The following ERC2 variants were observed in gnomAD, a reference collection of about 807,000 sequenced individuals.
ERC2 encodes ERC protein 2.
ERC2 carries 42 observed loss-of-function variants against 114.8 expected under a neutral mutation model. The ratio of observed to expected loss-of-function variants is 0.37; its 90% CI spans 0.29 to 0.47. The LOEUF is 0.47. ERC2 is among the 20% of genes least tolerant of loss of function. ERC2 has a pLI of 0.99. For synonymous variants in ERC2, 454 were observed against 425.5 expected (o/e 1.07, Z -0.82); for missense variants, 939 against 1,150.7 (o/e 0.82, Z 2.66).
intron 17 of ERC2, among the ~76,000 whole-genome samples, chr3:55,559,382 C>G (rs1559652392): frequency 6.6e-6 from 1 of 152,258 alleles, no homozygotes; most frequent in Non-Finnish European, 1.5e-5. Flanking sequence ...TAGGGCAGGA[C>G]TGAAGCCATA....
chr3:55,736,567 C>G (rs555249549), intron 14 of ERC2, among the ~76,000 whole-genome samples: 1 of 152,262 alleles, frequency 6.6e-6, no homozygotes, highest in East Asian at 1.9e-4. Context: ...AGACTTGACG[C>G]TCCATGAAAT....
chr3:55,989,035 A>C (rs990304885), intron 11 of ERC2, among the ~76,000 whole-genome samples: 5 of 152,144 alleles, frequency 3.3e-5, no homozygotes, highest in African/African-American at 9.7e-5. Context: ...CCACCTCCTT[A>C]GGGGCCTGGG....
intron 17 of ERC2, among the ~76,000 whole-genome samples, chr3:55,581,741 C>T (rs1009252270): frequency 2.0e-5 from 3 of 152,152 alleles, no homozygotes; most frequent in African/African-American, 4.8e-5. Flanking sequence ...CAGAAATTTC[C>T]ATGACCTCTT....
At chr3:56,323,232 T>G (rs2057206956) in intron 2 of ERC2, among the ~76,000 whole-genome samples, 1 of 152,152 alleles carries the variant, frequency 6.6e-6, no homozygotes, top group African/African-American at 2.4e-5. Context: ...CCCTAGAATA[T>G]TCAGCTATTG....
intron 3 of ERC2, among the ~76,000 whole-genome samples, chr3:56,217,203 C>T (rs2049545156): frequency 1.3e-5 from 2 of 152,100 alleles, no homozygotes; most frequent in Admixed American, 1.3e-4. Flanking sequence ...TCAAATTGTC[C>T]CTGTTTGCAG....
chr3:55,943,930 G>A (rs146014877), intron 13 of ERC2, among the ~76,000 whole-genome samples: 179 of 152,234 alleles, frequency 1.2e-3, no homozygotes, highest in Non-Finnish European at 2.0e-3. Context: ...TTTTAGGAAA[G>A]GATCCACGTC....
At chr3:55,833,416 A>G (rs1306366729) in intron 14 of ERC2, among the ~76,000 whole-genome samples, 2 of 151,950 alleles carry the variant, frequency 1.3e-5, no homozygotes, top group Non-Finnish European at 2.9e-5. Flanking sequence ...ATCTCTCGGC[A>G]GAAACTCTAC....
At chr3:56,203,749 G>C (rs2048538606) in intron 3 of ERC2, among the ~76,000 whole-genome samples, 1 of 152,196 alleles carries the variant, frequency 6.6e-6, no homozygotes, top group East Asian at 1.9e-4. Flanking sequence ...ATTTACAGTG[G>C]ACGTGGGAGG....
chr3:56,413,155 C>T (rs1437693544), intron 2 of ERC2, among the ~76,000 whole-genome samples: 1 of 152,182 alleles, frequency 6.6e-6, no homozygotes, highest in Non-Finnish European at 1.5e-5. Flanking sequence ...CACAGCTGTG[C>T]CCCTCACTCC....
At chr3:56,310,069 G>T (rs2056452129) in intron 2 of ERC2, among the ~76,000 whole-genome samples, 1 of 152,094 alleles carries the variant, frequency 6.6e-6, no homozygotes, top group Admixed American at 6.6e-5. Flanking sequence ...CTCTACAAGG[G>T]ACTCTCAGGA....
intron 15 of ERC2, among the ~76,000 whole-genome samples, chr3:55,709,892 T>A (rs1342903546): frequency 1.3e-5 from 2 of 152,144 alleles, no homozygotes; most frequent in African/African-American, 4.8e-5. Context: ...GCCAGGCCCT[T>A]GGAGGGGGAA....
chr3:55,513,718 C>A (rs1012170907), intron 17 of ERC2, among the ~76,000 whole-genome samples: 1 of 152,070 alleles, frequency 6.6e-6, no homozygotes, highest in Admixed American at 6.6e-5. Context: ...ACAGCAGCCT[C>A]GACCTCCTGG....
intron 7 of ERC2, among the ~76,000 whole-genome samples, chr3:56,042,569 A>G (rs1325478349): frequency 2.0e-5 from 3 of 152,196 alleles, no homozygotes; most frequent in African/African-American, 7.2e-5. Context: ...ACTGCACTAT[A>G]CAAGCTCTAC....
rs2316114 is a variant in ERC2, at chr3:55,873,399, G to A, written c.2564+14990C>T. 6.4e-3 allele frequency among the ~76,000 whole-genome samples: 973 copies of A among 152,296 alleles called. 11 individuals are homozygous for A. Among genetic ancestry groups the A allele is most frequent in the African/African-American group, 0.022 (908 of 41,560 alleles). ...TAACCTCTCTGAGCCTCTGTTGCCC[G>A]AAATGTAAAATAGAGATGATAACAG... On this transcript the variant is annotated intron_variant, in intron 14 of 17. Coordinates refer to ENST00000288221, the MANE Select transcript of ERC2 (RefSeq NM_015576.3).
intron 3 of ERC2, among the ~76,000 whole-genome samples, chr3:56,242,359 A>T (rs570748897): frequency 5.3e-5 from 8 of 152,302 alleles, no homozygotes; most frequent in African/African-American, 1.9e-4. Context: ...TATTGGGTAC[A>T]GTGTACACTG....
intron 14 of ERC2, among the ~76,000 whole-genome samples, chr3:55,815,115 C>T (rs2149136532): frequency 2.0e-5 from 3 of 152,314 alleles, no homozygotes; most frequent in Middle Eastern, 6.8e-3. Context: ...TGGGGCCTAA[C>T]ATAGAGCAGC....
At chr3:55,934,432 A>T (rs1036562478) in intron 13 of ERC2, among the ~76,000 whole-genome samples, 2 of 152,222 alleles carry the variant, frequency 1.3e-5, no homozygotes, top group Admixed American at 6.5e-5. Flanking sequence ...CTTTACATTG[A>T]GAAGTCATTG....
At chr3:55,841,898 C>A (rs1226887785) in intron 14 of ERC2, among the ~76,000 whole-genome samples, 1 of 152,148 alleles carries the variant, frequency 6.6e-6, no homozygotes, top group East Asian at 1.9e-4. Context: ...TACTACATCT[C>A]GTCTTGAAAA....
chr3:55,683,186 T>C (rs1325679772), intron 17 of ERC2, among the ~76,000 whole-genome samples: 1 of 152,210 alleles, frequency 6.6e-6, no homozygotes, highest in Non-Finnish European at 1.5e-5. Context: ...ATATGAATGT[T>C]TCTATTCTAA....
Sources: allele counts gnomAD v4.1 joint callset (sites outside exome capture counted in the v4.1 genomes callset), GRCh38; gene constraint gnomAD v4.1.1; transcripts MANE v1.5; gene names NCBI Gene and HGNC (gene_info 2026-07-23, HGNC 2026-07-21).